RCOR1: variants seen among roughly 807,000 people sequenced by gnomAD.
RCOR1 encodes REST corepressor.
RCOR1 carries 12 observed loss-of-function variants against 64.0 expected under a neutral mutation model. The observed-to-expected ratio is 0.19, with a 90% CI of 0.12 to 0.30. The LOEUF (loss-of-function observed/expected upper bound fraction) is 0.30, where lower values mean the gene tolerates loss of function less well. Among genes scored for constraint, RCOR1 ranks in the 10% least tolerant of loss-of-function variants. The pLI, the probability that RCOR1 is intolerant of heterozygous loss-of-function variation, is 1.00. For missense variants in RCOR1, 502 were observed against 621.2 expected (o/e 0.81, Z 2.04); for synonymous variants, 279 against 227.2 (o/e 1.23, Z -2.05).
At chr14:102,721,433 G>A in intron 10 of RCOR1, 56 bp downstream of exon 10, 1 of 1,314,210 alleles carries the variant, frequency 7.6e-7, no homozygotes, top group Non-Finnish European at 1.1e-6. Flanking sequence ...GCTCACACCT[G>A]TAATCCCAAC....
chr14:102,707,336 A>C lies in RCOR1; in HGVS notation c.499-15A>C. On this transcript the variant is annotated splice_polypyrimidine_tract_variant and intron_variant, in intron 4 of 11. Coordinates refer to ENST00000262241, the MANE Select transcript of RCOR1 (RefSeq NM_015156.4). The stretch of plus-strand genomic sequence containing the variant: ...TTTTGTTTGATCTAAAATTTTACTG[A>C]TATCATTTTTGTAGGCTCTTGGGAT... The C allele has an allele frequency of 6.4e-7, 1 of 1,558,806 alleles. No individual in the cohort carries two copies. Among genetic ancestry groups the C allele is most frequent in the Non-Finnish European group, 8.6e-7 (1 of 1,158,592 alleles).
chr14:102,706,136 A>AAAAAAAAAAAAAAAAC (rs1567442106), intron 4 of RCOR1, among the ~76,000 whole-genome samples: 6 of 148,978 alleles, frequency 4.0e-5, no homozygotes, highest in African/African-American at 1.3e-4. Flanking sequence ...AAAAAAAAAA[A>AAAAAAAAAAAAAAAAC]AAAAAACCTA....
intron 2 of RCOR1, among the ~76,000 whole-genome samples, chr14:102,659,708 A>C (rs1299403396): frequency 6.6e-6 from 1 of 152,208 alleles, no homozygotes; most frequent in Non-Finnish European, 1.5e-5. Context: ...AATGTGAAGT[A>C]GTGTCACATG....
At position 102,680,464 on chromosome 14, in the gene RCOR1, T is replaced by C. The variant is rs1567433704; in HGVS notation, c.362-1431T>C. Among the ~76,000 whole-genome samples, 3 of 152,200 alleles carry C rather than the reference T, an allele frequency of 2.0e-5. No homozygotes were observed. In the South Asian group the frequency reaches 6.2e-4, roughly 32 times the overall value. On this transcript the variant is annotated intron_variant, in intron 2 of 11. Transcript: ENST00000262241. ...TTGATGACTTTTGTTTTAGATTCTTTGTAGCGTTAGCATTGTTCTGAAGTC... is the reference window on the plus strand; with the variant it reads ...TTGATGACTTTTGTTTTAGATTCTTCGTAGCGTTAGCATTGTTCTGAAGTC...
intron 3 of RCOR1, among the ~76,000 whole-genome samples, chr14:102,685,485 CTTTT>C (rs200809707): frequency 7.2e-6 from 1 of 139,658 alleles, no homozygotes; most frequent in Non-Finnish European, 1.6e-5. Context: ...TTGTACATTT[CTTTT>C]TTTTTTTTTT....
rs530930961 is a variant in RCOR1, at chr14:102,612,995, G to A, written c.361+19670G>A. 4.4e-4 allele frequency among the ~76,000 whole-genome samples: 66 copies of A among 151,318 alleles called. 3 individuals are homozygous for A. The South Asian group carries it at 0.013, about 30-fold the overall frequency. ...AAAAGAAAAAACAAATCTGACTACC[G>A]TATTGATGATTCTAGTCCAGAATTT... On this transcript the variant is annotated intron_variant, in intron 2 of 11. Transcript: ENST00000262241.
chr14:102,625,385 G>A (rs981331343), intron 2 of RCOR1, among the ~76,000 whole-genome samples: 4 of 151,620 alleles, frequency 2.6e-5, no homozygotes, highest in African/African-American at 4.8e-5. Context: ...ACAGGCATGC[G>A]CTACTATGCC....
chr14:102,701,426 T>C (rs1167253051), intron 4 of RCOR1, 96 bp downstream of exon 4: 1 of 918,978 alleles, frequency 1.1e-6, no homozygotes, highest in East Asian at 3.0e-5. Context: ...TAGCAGTGTT[T>C]CTTCATTAGC....
At position 102,638,385 on chromosome 14, in the gene RCOR1, C is replaced by G. The variant is rs1567417552; in HGVS notation, c.362-43510C>G. ...AGCGTTGTCTTCTTTTCTTTCTTTT[C>G]TTTTTTTTTGAGTCATATTTTCGTT... On this transcript the variant is annotated intron_variant, in intron 2 of 11. Transcript: ENST00000262241. Among the ~76,000 whole-genome samples the G allele has an allele frequency of 2.0e-5, 3 of 151,374 alleles. No homozygotes were observed. In the East Asian group the frequency reaches 5.8e-4, roughly 29 times the overall value.
In RCOR1 at chr14:102,729,937, G is replaced by A; in HGVS notation, c.*3431G>A. On this transcript the variant is annotated 3_prime_UTR_variant, in exon 12 of 12. Transcript: ENST00000262241. ...CTATTGTCAAGTGAAACTTTCCTCA[G>A]ATGGACTCCAGGTAGCCAGGTCACC... is the stretch of plus-strand genomic sequence containing the variant. The A allele has an allele frequency of 7.5e-6, 3 of 399,058 alleles. No homozygotes were observed. Among genetic ancestry groups the A allele is most frequent in the Non-Finnish European group, 4.4e-6 (1 of 226,078 alleles). 24.7% of individuals were successfully genotyped at this position (399,058 alleles called of 1,614,324 possible). A position where few individuals can be genotyped will look rare whatever the true frequency, so the allele number is the denominator to read the frequency against.
chr14:102,639,458 A>G (rs1205321265), intron 2 of RCOR1, among the ~76,000 whole-genome samples: 2 of 150,726 alleles, frequency 1.3e-5, no homozygotes, highest in African/African-American at 2.4e-5. Context: ...GAATACATGT[A>G]TGCATCAGCA....
chr14:102,669,973 C>G (rs1894999332), intron 2 of RCOR1, among the ~76,000 whole-genome samples: 1 of 152,154 alleles, frequency 6.6e-6, no homozygotes, highest in African/African-American at 2.4e-5. Flanking sequence ...AATTTAGAGA[C>G]AGAGCCTTGC....
chr14:102,722,119 G>C, intron 10 of RCOR1, 68 bp from the exon 11 acceptor site: 1 of 1,108,192 alleles, frequency 9.0e-7, no homozygotes, highest in Non-Finnish European at 1.4e-6. Context: ...AAAGAGGTAA[G>C]TGTCACTTGT....
intron 2 of RCOR1, among the ~76,000 whole-genome samples, chr14:102,634,648 A>G (rs1894196917): frequency 7.0e-6 from 1 of 143,270 alleles, no homozygotes; most frequent in African/African-American, 2.9e-5. Flanking sequence ...ATATATATAT[A>G]TATGTATATA....
Position 102,682,020 on chromosome 14 carries a change from T to A in RCOR1, c.445+42T>A, listed in dbSNP as rs201172939. ...TTTATTTTCCACCTTTCTTGTTTAA[T>A]GTAAGGTTTTAAAGGTACCTTTGAA... On this transcript the variant is annotated intron_variant, in intron 3 of 11. Coordinates refer to ENST00000262241, the MANE Select transcript of RCOR1 (RefSeq NM_015156.4). The A allele has an allele frequency of 4.3e-4, 612 of 1,412,880 alleles. 3 individuals are homozygous for A. The highest frequency in any genetic ancestry group is 2.1e-5 in the Non-Finnish European group (21 of 997,878). The allele number at this position is 1,412,880 out of a possible 1,614,324, so 87.5% of individuals were successfully genotyped here.
intron 2 of RCOR1, among the ~76,000 whole-genome samples, chr14:102,627,830 C>G (rs1469442670): frequency 1.3e-5 from 2 of 152,044 alleles, no homozygotes; most frequent in African/African-American, 4.8e-5. Flanking sequence ...TTGCTAAATC[C>G]AGCAATCTGT....
At chr14:102,673,488 T>G (rs916221719) in intron 2 of RCOR1, among the ~76,000 whole-genome samples, 1 of 148,662 alleles carries the variant, frequency 6.7e-6, no homozygotes, top group Non-Finnish European at 1.5e-5. Flanking sequence ...AGTCGCCCAC[T>G]ACCATGCCCG....
chr14:102,641,056 G>A (rs1469657539), intron 2 of RCOR1, among the ~76,000 whole-genome samples: 1 of 151,892 alleles, frequency 6.6e-6, no homozygotes, highest in African/African-American at 2.4e-5. Flanking sequence ...GATCGAGACC[G>A]TCCTGGCCAA....
chr14:102,672,026 T>G (rs1397621473), intron 2 of RCOR1, among the ~76,000 whole-genome samples: 1 of 152,242 alleles, frequency 6.6e-6, no homozygotes, highest in African/African-American at 2.4e-5. Context: ...TTCATGGCAG[T>G]ATAAAGTTCT....
Sources: gnomAD v4.1 joint callset for allele counts (sites outside exome capture counted in the v4.1 genomes callset) on GRCh38, gnomAD v4.1.1 for gene constraint, MANE v1.5 for transcripts, NCBI Gene and HGNC (gene_info 2026-07-23, HGNC 2026-07-21) for gene names.